Variants in VRK2 observed in about 807,000 individuals in gnomAD.
VRK2 encodes the protein serine/threonine-protein kinase VRK2.
Under a neutral mutation model 57.6 loss-of-function variants are expected in VRK2, and 60 were observed. The observed-to-expected ratio is 1.04, with a 90% confidence interval of 0.85 to 1.29. The LOEUF (loss-of-function observed/expected upper bound fraction) is 1.29. Among genes scored for constraint, VRK2 ranks in the 50% most tolerant of loss-of-function variants. The pLI is 0.00. For missense variants in VRK2, 705 were observed against 588.1 expected, an observed-to-expected ratio of 1.20 and a Z score of -2.06; for synonymous variants, 231 against 199.2, an observed-to-expected ratio of 1.16 and a Z score of -1.35.
chr2:58,058,003 G>A (rs955905478), intron 2 of VRK2, among the ~76,000 whole-genome samples: 1 of 152,076 alleles, frequency 6.6e-6, no homozygotes, highest in African/African-American at 2.4e-5. Flanking sequence ...TCAGCATTCA[G>A]GAGACTGTCT....
chr2:57,940,810 T>A (rs1671070279), intron 1 of VRK2, among the ~76,000 whole-genome samples: 1 of 152,100 alleles, frequency 6.6e-6, no homozygotes, highest in South Asian at 2.1e-4. Context: ...ACTAAACTAT[T>A]ACTTCACGTA....
intron 1 of VRK2, among the ~76,000 whole-genome samples, chr2:57,929,096 A>G (rs1406268925): frequency 6.6e-6 from 1 of 152,164 alleles, no homozygotes; most frequent in Non-Finnish European, 1.5e-5. Flanking sequence ...GAGCTCTACA[A>G]TCCGCAGGTA....
intron 1 of VRK2, among the ~76,000 whole-genome samples, chr2:57,912,767 G>A (rs1670028681): frequency 6.6e-6 from 1 of 152,164 alleles, no homozygotes; most frequent in Non-Finnish European, 1.5e-5. Flanking sequence ...GCTTAGAACA[G>A]GAAAGGAATG....
rs75118116 is a variant in VRK2 at position 58,084,152 on chromosome 2, A to G, written c.186+14A>G. 3,729 of 1,593,246 alleles carry G rather than the reference A, an allele frequency of 2.3e-3. 84 individuals are homozygous for G. The African/African-American group carries it at 0.044, about 19-fold the overall frequency. ...GTAGTAAAAGTGGTAAGTGTTGCTCATAGATTTGTATTTCACATATATTTG... is the reference window on the plus strand; with the variant it reads ...GTAGTAAAAGTGGTAAGTGTTGCTCGTAGATTTGTATTTCACATATATTTG... On this transcript the variant is annotated intron_variant, in intron 3 of 12. Transcript: ENST00000340157.
At position 58,150,559 on chromosome 2, in the gene VRK2, T is replaced by C. The variant is rs540606111; in HGVS notation, c.1182+4085T>C. ...AAAGACCAGCTTTGGTTTTTTTTTT[T>C]TAGTTTTTTTTTTTTTTCAAAGACC... On this transcript the variant is annotated intron_variant, in intron 12 of 12. Coordinates refer to ENST00000340157, the MANE Select transcript of VRK2 (RefSeq NM_006296.7). Among the ~76,000 whole-genome samples the C allele has an allele frequency of 3.8e-5, 5 of 131,058 alleles. No homozygotes were observed. In the South Asian group the frequency reaches 1.1e-3, roughly 29 times the overall value. 86.0% of individuals were successfully genotyped at this position (131,058 alleles called of 152,430 possible). A position where few individuals can be genotyped will look rare whatever the true frequency, so the allele number is the denominator to read the frequency against.
intron 1 of VRK2, among the ~76,000 whole-genome samples, chr2:57,962,809 CTTCAAAGTAT>C (rs1468761605): frequency 1.3e-5 from 2 of 152,134 alleles, no homozygotes; most frequent in East Asian, 3.8e-4. Context: ...TCCTTTTCTT[CTTCAAAGTAT>C]TTCACTGGAG....
intron 7 of VRK2, among the ~76,000 whole-genome samples, chr2:58,103,003 A>G (rs1391763139): frequency 6.6e-6 from 1 of 151,788 alleles, no homozygotes; most frequent in African/African-American, 2.4e-5. Context: ...CAATGATGAA[A>G]TTCAGATAAA....
intron 8 of VRK2, among the ~76,000 whole-genome samples, chr2:58,126,244 A>G (rs1678326586): frequency 6.6e-6 from 1 of 152,108 alleles, no homozygotes; most frequent in South Asian, 2.1e-4. Flanking sequence ...CCTGAAGAGA[A>G]ATACTCAAGC....
At chr2:58,044,215 T>C (rs1337253175), upstream of VRK2, among the ~76,000 whole-genome samples, 2 of 152,208 alleles carry the variant, frequency 1.3e-5, no homozygotes, top group Non-Finnish European at 2.9e-5. Context: ...GATTAGTACT[T>C]TTTCCCATCT....
At chr2:57,984,403 G>A (rs1172196564) in intron 1 of VRK2, among the ~76,000 whole-genome samples, 1 of 152,110 alleles carries the variant, frequency 6.6e-6, no homozygotes, top group East Asian at 1.9e-4. Context: ...CAGTGACCAA[G>A]TAGGTCATTT....
chr2:58,152,331 T>C (rs1436437352), intron 12 of VRK2, among the ~76,000 whole-genome samples: 3 of 151,924 alleles, frequency 2.0e-5, no homozygotes, highest in African/African-American at 7.2e-5. Context: ...CATATTACAT[T>C]CTATCTTGAC....
Position 58,048,904 on chromosome 2 carries a change from G to A in VRK2, c.73G>A (p.Glu25Lys). Residue 25 changes from glutamate to lysine, a missense_variant, in exon 2 of 13, where the codon GAA becomes AAA. Physicochemically the swap from Glu to Lys is moderately conservative, Grantham distance 56. Transcript: ENST00000340157. ...FPEGKVLDDM[E>K]GNQWVLGKKI... ...AGAAGGCAAGGTTCTGGATGATATG[G>A]AAGGCAATCAGTGGGTACTGGGCAA... is the stretch of plus-strand genomic sequence containing the variant. 1 of 1,614,018 alleles carries A rather than the reference G, an allele frequency of 6.2e-7. No individual in the cohort carries two copies. The highest frequency in any genetic ancestry group is 8.5e-7 in the Non-Finnish European group (1 of 1,179,952).
upstream of VRK2, among the ~76,000 whole-genome samples, chr2:58,045,107 T>C (rs1238402211): frequency 2.6e-5 from 4 of 152,368 alleles, no homozygotes; most frequent in South Asian, 6.2e-4. Flanking sequence ...TAACACTGAA[T>C]TGTTTTAAGC....
chr2:58,094,297 G>T (rs967567595), intron 7 of VRK2, among the ~76,000 whole-genome samples: 2 of 152,158 alleles, frequency 1.3e-5, no homozygotes, highest in African/African-American at 4.8e-5. Context: ...CTATCCATGA[G>T]CATGGAATGT....
chr2:57,943,004 T>C (rs1237686263), intron 1 of VRK2, among the ~76,000 whole-genome samples: 1 of 152,218 alleles, frequency 6.6e-6, no homozygotes, highest in Non-Finnish European at 1.5e-5. Context: ...AATTCACTTT[T>C]CATAGGATAA....
At chr2:58,047,138 G>T in intron 1 of VRK2, 2 of 352,568 alleles carry the variant, frequency 5.7e-6, no homozygotes, top group Non-Finnish European at 4.0e-6. Context: ...AGTGGGTGGA[G>T]TTTCTCTTTT....
chr2:58,040,817 T>C (rs1269496892), intron 3 of VRK2, among the ~76,000 whole-genome samples: 3 of 152,158 alleles, frequency 2.0e-5, no homozygotes, highest in East Asian at 1.9e-4. Flanking sequence ...GAGATAGTCA[T>C]TGGGAATGGT....
intron 1 of VRK2, among the ~76,000 whole-genome samples, chr2:57,981,579 C>T (rs1191857455): frequency 6.6e-6 from 1 of 152,162 alleles, no homozygotes; most frequent in Non-Finnish European, 1.5e-5. Flanking sequence ...TGCATGCCAA[C>T]CTCTGTGGTG....
At chr2:57,976,796 G>A (rs1359915857) in intron 1 of VRK2, among the ~76,000 whole-genome samples, 1 of 152,014 alleles carries the variant, frequency 6.6e-6, no homozygotes, top group Admixed American at 6.6e-5. Context: ...TATTTGCCAA[G>A]ACCTATGTCC....
Sources: allele counts gnomAD v4.1 joint callset (sites outside exome capture counted in the v4.1 genomes callset), GRCh38; gene constraint gnomAD v4.1.1; transcripts MANE v1.5; gene names NCBI Gene and HGNC (gene_info 2026-07-23, HGNC 2026-07-21).